Variants in DCAF6 observed in about 807,000 individuals in gnomAD.
The protein encoded by DCAF6 is DDB1- and CUL4-associated factor 6.
A neutral mutation model predicts 125.1 loss-of-function variants in DCAF6; 54 were observed. The observed-to-expected ratio is 0.43, with a 90% CI of 0.35 to 0.54. DCAF6 has a LOEUF of 0.54. Ranked by LOEUF, DCAF6 falls within the 20% of genes least tolerant of loss-of-function variation. The pLI is 0.01. For missense variants in DCAF6, 934 were observed against 1,161.7 expected (o/e 0.80, Z 2.85); for synonymous variants, 371 against 390.4 (o/e 0.95, Z 0.58).
the DCAF6 span, among the ~76,000 whole-genome samples, chr1:167,883,817 G>A: frequency 6.6e-6 from 1 of 152,096 alleles, no homozygotes; most frequent in Non-Finnish European, 1.5e-5. Context: ...CTCTTCCAGT[G>A]GGGACTTATG....
At chr1:167,950,656 A>G (rs1167264441) in intron 1 of DCAF6, among the ~76,000 whole-genome samples, 1 of 152,232 alleles carries the variant, frequency 6.6e-6, no homozygotes, top group Non-Finnish European at 1.5e-5. Context: ...GACAGTATAC[A>G]GAAAGTATAG....
intron 12 of DCAF6, among the ~76,000 whole-genome samples, chr1:168,033,167 A>G (rs1687327048): frequency 6.6e-6 from 1 of 152,214 alleles, no homozygotes; most frequent in Non-Finnish European, 1.5e-5. Flanking sequence ...CTTATGCAAA[A>G]GACTTGAAAG....
At chr1:167,966,595 A>G (rs901629414) in intron 2 of DCAF6, 34 bp from the exon 3 acceptor site, 6 of 1,366,402 alleles carry the variant, frequency 4.4e-6, no homozygotes, top group African/African-American at 2.9e-5. Flanking sequence ...TTTATGTCCA[A>G]TTTGCTTATA....
At chr1:167,991,044 G>C (rs915275524) in intron 5 of DCAF6, among the ~76,000 whole-genome samples, 160 bp from the exon 6 acceptor site, 1 of 152,084 alleles carries the variant, frequency 6.6e-6, no homozygotes, top group African/African-American at 2.4e-5. Context: ...CGAAAAAAAA[G>C]TTAAAAGAAA....
intron 10 of DCAF6, among the ~76,000 whole-genome samples, chr1:168,005,825 C>T (rs1216325059): frequency 6.6e-6 from 1 of 152,106 alleles, no homozygotes; most frequent in African/African-American, 2.4e-5. Flanking sequence ...GAGTCAGTTA[C>T]ATAACTGTTA....
chr1:167,925,460 T>TATATATATATATACATATAC, the DCAF6 span, among the ~76,000 whole-genome samples: 1 of 115,276 alleles, frequency 8.7e-6, no homozygotes, highest in Non-Finnish European at 1.7e-5. Context: ...TATATATATA[T>TATATATATATATACATATAC]ATATATATAT....
chr1:168,064,291 C>T lies in DCAF6; in HGVS notation c.2439+532C>T, dbSNP rs574301285. On this transcript the variant is annotated intron_variant, in intron 18 of 21. Transcript: ENST00000367840. The stretch of plus-strand genomic sequence containing the variant: ...TCTCTAAGATCTTTTGTAGTTTTTA[C>T]GATCTACAAGTTTCTACACCCAGTG... Among the ~76,000 whole-genome samples, 105 of 152,034 alleles carry T rather than the reference C, an allele frequency of 6.9e-4. 1 individual carries two copies. The highest frequency in any genetic ancestry group is 2.4e-3 in the African/African-American group (98 of 41,486).
intron 17 of DCAF6, among the ~76,000 whole-genome samples, chr1:168,062,442 G>A (rs982883260): frequency 1.7e-4 from 26 of 151,866 alleles, no homozygotes; most frequent in African/African-American, 5.3e-4. Flanking sequence ...TGTAAAAACC[G>A]CTTTCAAACT....
At chr1:167,997,769 G>A (rs1023328369) in intron 7 of DCAF6, among the ~76,000 whole-genome samples, 8 of 152,158 alleles carry the variant, frequency 5.3e-5, no homozygotes, top group African/African-American at 1.9e-4. Flanking sequence ...GAATGTATAA[G>A]GAACACTTAC....
intron 16 of DCAF6, among the ~76,000 whole-genome samples, chr1:168,046,702 T>G (rs796471165): frequency 6.6e-6 from 1 of 152,266 alleles, no homozygotes; most frequent in African/African-American, 2.4e-5. Flanking sequence ...ACTTAATTTA[T>G]GCAGATGAGG....
At chr1:168,038,521 C>A (rs760363470) in intron 13 of DCAF6, 33 bp downstream of exon 13, 5 of 1,439,962 alleles carry the variant, frequency 3.5e-6, no homozygotes, top group Non-Finnish European at 4.8e-6. Context: ...ATGTTCTTAG[C>A]CATTTTGTAG....
intron 13 of DCAF6, 49 bp from the exon 14 acceptor site, chr1:168,042,976 C>A (rs1420397947): frequency 8.2e-6 from 11 of 1,349,384 alleles, no homozygotes; most frequent in Non-Finnish European, 1.1e-5. Context: ...CCTAAAAGAT[C>A]ATATTGATTA....
the DCAF6 span, chr1:167,894,024 T>C: frequency 1.1e-6 from 1 of 942,362 alleles, no homozygotes; most frequent in Non-Finnish European, 1.7e-6. Context: ...CCAGTCCCTA[T>C]TCTCTTGGGC....
At chr1:168,021,399 T>G (rs533473316) in intron 11 of DCAF6, among the ~76,000 whole-genome samples, 60 of 152,286 alleles carry the variant, frequency 3.9e-4, no homozygotes, top group African/African-American at 1.3e-3. Context: ...TTCTTGTTTT[T>G]TTAAAGAGTT....
intron 20 of DCAF6, among the ~76,000 whole-genome samples, chr1:168,066,962 T>A (rs947281762): frequency 6.6e-6 from 1 of 152,304 alleles, no homozygotes; most frequent in East Asian, 1.9e-4. Context: ...ATTTTAAGAT[T>A]TTTTTAAGCC....
intron 17 of DCAF6, among the ~76,000 whole-genome samples, chr1:168,062,138 A>ATTCTG (rs1691671554): frequency 6.6e-6 from 1 of 152,216 alleles, no homozygotes; most frequent in Non-Finnish European, 1.5e-5. Flanking sequence ...TCTGAGCTAA[A>ATTCTG]GAAGCTAGAC....
the DCAF6 span, among the ~76,000 whole-genome samples, chr1:167,898,282 A>G: frequency 2.8e-4 from 42 of 152,222 alleles, no homozygotes; most frequent in South Asian, 7.1e-3. Context: ...TTCAAAGTTA[A>G]AACAATTTTT....
chr1:167,985,118 T>G (rs1485189589), intron 4 of DCAF6, among the ~76,000 whole-genome samples: 1 of 152,014 alleles, frequency 6.6e-6, no homozygotes, highest in Non-Finnish European at 1.5e-5. Flanking sequence ...TACCTCCCAC[T>G]GGGTCCCTCC....
At chr1:167,988,520 C>A (rs577744664) in intron 5 of DCAF6, among the ~76,000 whole-genome samples, 1 of 152,160 alleles carries the variant, frequency 6.6e-6, no homozygotes, top group East Asian at 1.9e-4. Context: ...AGTCTTTTGA[C>A]CCCAGACAAG....
Sources: gnomAD v4.1 joint callset for allele counts (sites outside exome capture counted in the v4.1 genomes callset) on GRCh38, gnomAD v4.1.1 for gene constraint, MANE v1.5 for transcripts, NCBI Gene and HGNC (gene_info 2026-07-23, HGNC 2026-07-21) for gene names.